Variants in PARD3B observed in about 807,000 individuals in gnomAD.
PARD3B encodes par-3 family cell polarity regulator beta.
PARD3B carries 103 observed loss-of-function variants against 130.2 expected under a neutral mutation model. The ratio of observed to expected loss-of-function variants is 0.79; its 90% CI spans 0.67 to 0.93. The LOEUF (loss-of-function observed/expected upper bound fraction) is 0.93, where lower values mean the gene tolerates loss of function less well. Ranked by LOEUF, PARD3B falls within the 40% of genes least tolerant of loss-of-function variation. The pLI, the probability that PARD3B is intolerant of heterozygous loss-of-function variation, is 0.00. For missense variants in PARD3B, 1,609 were observed against 1,499.2 expected (o/e 1.07, Z -1.21); for synonymous variants, 583 against 553.2 (o/e 1.05, Z -0.76).
chr2:205,075,179 G>T (rs1700965609), intron 4 of PARD3B, among the ~76,000 whole-genome samples: 1 of 152,148 alleles, frequency 6.6e-6, no homozygotes, highest in Admixed American at 6.5e-5. Context: ...ATTGTAATGA[G>T]ACCATCCCTT....
At chr2:204,704,376 C>G (rs1248557454) in intron 2 of PARD3B, among the ~76,000 whole-genome samples, 1 of 152,226 alleles carries the variant, frequency 6.6e-6, no homozygotes, top group East Asian at 1.9e-4. Flanking sequence ...TCCATTGATG[C>G]AACTGAAATC....
intron 3 of PARD3B, among the ~76,000 whole-genome samples, chr2:205,008,466 C>T (rs904376153): frequency 1.1e-4 from 16 of 152,066 alleles, no homozygotes; most frequent in African/African-American, 3.9e-4. Flanking sequence ...ATGTGCCTTT[C>T]ACTGCCCTCA....
chr2:205,541,266 G>T (rs1249601984), intron 21 of PARD3B, among the ~76,000 whole-genome samples: 1 of 150,538 alleles, frequency 6.6e-6, no homozygotes, highest in Non-Finnish European at 1.5e-5. Context: ...GTTTCTCTGG[G>T]TTTTTTTCTC....
chr2:204,991,402 G>T (rs1693669655), intron 3 of PARD3B, among the ~76,000 whole-genome samples: 1 of 143,160 alleles, frequency 7.0e-6, no homozygotes, highest in East Asian at 2.0e-4. Context: ...CAAAGGACAT[G>T]AACTCATCAT....
intron 4 of PARD3B, among the ~76,000 whole-genome samples, chr2:205,099,644 G>T (rs2125560953): frequency 1.3e-5 from 2 of 152,260 alleles, no homozygotes; most frequent in Non-Finnish European, 2.9e-5. Context: ...TTGTCGATAA[G>T]TATCAAAGCA....
At chr2:204,721,692 A>C (rs910952573) in intron 2 of PARD3B, among the ~76,000 whole-genome samples, 1 of 152,176 alleles carries the variant, frequency 6.6e-6, no homozygotes, top group Non-Finnish European at 1.5e-5. Flanking sequence ...ACTTGATAAA[A>C]ATGGCAAAGG....
chr2:205,168,320 A>AGAGAGAGAGAGAGAGAGAGAGAGAGT (rs371904121), intron 11 of PARD3B, among the ~76,000 whole-genome samples: 54 of 119,734 alleles, frequency 4.5e-4, no homozygotes, highest in African/African-American at 1.1e-3. Context: ...AGAGAGAGAG[A>AGAGAGAGAGAGAGAGAGAGAGAGAGT]GTGTGTGTGT....
chr2:204,987,489 G>C (rs1409916630), intron 3 of PARD3B, among the ~76,000 whole-genome samples: 7 of 152,132 alleles, frequency 4.6e-5, no homozygotes, highest in African/African-American at 9.7e-5. Context: ...ATACTTATTT[G>C]TGTATGTGTT....
At position 205,550,931 on chromosome 2, in the gene PARD3B, G is replaced by A. The variant is rs1294405611; in HGVS notation, c.3181-2393G>A. Among the ~76,000 whole-genome samples, 25 of 93,044 alleles carry A rather than the reference G, an allele frequency of 2.7e-4. No individual in the cohort carries two copies. The highest frequency in any genetic ancestry group is 9.0e-4 in the South Asian group (2 of 2,224). 61.0% of individuals were successfully genotyped at this position (93,044 alleles called of 152,430 possible). Reference sequence around the variant, plus strand: ...TATAAATACATATAATTATGTGTGTGTGTGTGTGTGTATATATATATGTGT... The same window carrying A: ...TATAAATACATATAATTATGTGTGTATGTGTGTGTGTATATATATATGTGT... On this transcript the variant is annotated intron_variant, in intron 21 of 22. Coordinates refer to ENST00000406610, the MANE Select transcript of PARD3B (RefSeq NM_001302769.2). The surrounding 1 kb of genome is among the most constrained non-coding windows in gnomAD (Gnocchi z 4.5).
intron 3 of PARD3B, among the ~76,000 whole-genome samples, chr2:204,996,362 T>G (rs1333448568): frequency 1.3e-5 from 2 of 152,238 alleles, no homozygotes; most frequent in East Asian, 1.9e-4. Context: ...AGTGTGCCCC[T>G]GCTGGGGGGT....
At chr2:204,611,831 T>C (rs1244798262) in intron 1 of PARD3B, among the ~76,000 whole-genome samples, 1 of 106,068 alleles carries the variant, frequency 9.4e-6, no homozygotes, top group Admixed American at 1.1e-4. Flanking sequence ...ACAACAACTA[T>C]ATAAATCTAT....
chr2:205,010,618 A>G (rs1695635690), intron 3 of PARD3B, among the ~76,000 whole-genome samples: 1 of 152,210 alleles, frequency 6.6e-6, no homozygotes, highest in Non-Finnish European at 1.5e-5. Context: ...ATATAATTCT[A>G]GGCTAGAAAT....
At chr2:204,927,871 G>A (rs1360253935) in intron 2 of PARD3B, among the ~76,000 whole-genome samples, 3 of 152,142 alleles carry the variant, frequency 2.0e-5, no homozygotes, top group Non-Finnish European at 4.4e-5. Flanking sequence ...TAGATAGATA[G>A]ATAGAGATTG....
intron 22 of PARD3B, 117 bp from the exon 23 acceptor site, chr2:205,615,339 C>A: frequency 1.3e-6 from 1 of 761,482 alleles, no homozygotes; most frequent in Admixed American, 2.3e-5. Context: ...GCTCCCATCC[C>A]ATTGGCCAGA....
intron 3 of PARD3B, among the ~76,000 whole-genome samples, chr2:205,033,045 G>A (rs1250728322): frequency 2.0e-5 from 3 of 152,132 alleles, no homozygotes; most frequent in Non-Finnish European, 4.4e-5. Flanking sequence ...AAGAGCTCTT[G>A]AAGTATTCTT....
intron 2 of PARD3B, among the ~76,000 whole-genome samples, chr2:204,738,148 G>A (rs1156660211): frequency 1.3e-5 from 2 of 152,030 alleles, no homozygotes; most frequent in African/African-American, 4.8e-5. Context: ...CATTGAATCT[G>A]TAGATTTCTT....
At chr2:204,846,362 A>G (rs80053399) in intron 2 of PARD3B, among the ~76,000 whole-genome samples, 3,061 of 152,128 alleles carry the variant, frequency 0.02, 87 homozygotes, top group East Asian at 0.15. Context: ...ACTAAAAACA[A>G]TGTGTAACTT....
At chr2:205,047,840 G>A in intron 4 of PARD3B, 150 bp downstream of exon 4, 1 of 547,108 alleles carries the variant, frequency 1.8e-6, no homozygotes, top group Non-Finnish European at 3.2e-6. Flanking sequence ...AGCTAGTATG[G>A]GCTATTACTT....
rs907913335 is a variant in PARD3B, at chr2:205,253,317, A to G, written c.2185+7495A>G. 2 of 524,074 alleles carry G rather than the reference A, an allele frequency of 3.8e-6. No individual in the cohort carries two copies. Among genetic ancestry groups the G allele is most frequent in the Admixed American group, 2.2e-5 (1 of 46,212 alleles). 32.5% of individuals were successfully genotyped at this position (524,074 alleles called of 1,614,324 possible). A position where few individuals can be genotyped will look rare whatever the true frequency, so the allele number is the denominator to read the frequency against. ...ACACAAAGGCTCTGGCCGCCCCCCTACAAAGGAGGCCATGGAACCGATGGA... is the reference window on the plus strand; with the variant it reads ...ACACAAAGGCTCTGGCCGCCCCCCTGCAAAGGAGGCCATGGAACCGATGGA... On this transcript the variant is annotated intron_variant, in intron 16 of 22. Coordinates refer to ENST00000406610, the MANE Select transcript of PARD3B (RefSeq NM_001302769.2). The surrounding 1 kb of genome is among the most constrained non-coding windows in gnomAD (Gnocchi z 4.4).
Sources: allele counts gnomAD v4.1 joint callset (sites outside exome capture counted in the v4.1 genomes callset), GRCh38; gene constraint gnomAD v4.1.1; non-coding constraint Gnocchi (gnomAD v3.1); transcripts MANE v1.5; gene names NCBI Gene and HGNC (gene_info 2026-07-23, HGNC 2026-07-21).